The following TPO variants were observed in gnomAD, a reference collection of about 807,000 sequenced individuals.
The protein encoded by TPO is thyroid peroxidase, also known as thyroid microsomal antigen.
In TPO, 78 loss-of-function variants were observed where a neutral mutation model predicts 96.9. The observed-to-expected ratio is 0.81, with a 90% CI of 0.67 to 0.97. The LOEUF is 0.97. Among genes scored for constraint, TPO ranks in the 50% least tolerant of loss-of-function variants. The probability of loss-of-function intolerance (pLI) is 0.00; values close to 1 mark genes in which losing one functional copy is unlikely to be tolerated. For synonymous variants in TPO, 547 were observed against 538.0 expected (o/e 1.02, Z -0.23); for missense variants, 1,252 against 1,274.8 (o/e 0.98, Z 0.27).
chr2:1,491,085 G>A (rs1671731744), intron 10 of TPO, among the ~76,000 whole-genome samples: 1 of 152,100 alleles, frequency 6.6e-6, no homozygotes, highest in Non-Finnish European at 1.5e-5. Context: ...CAGGAGAATT[G>A]CTTGAACCCA....
At chr2:1,526,560 AACCTTCTCAAATCCCAC>A (rs1676551436) in intron 15 of TPO, among the ~76,000 whole-genome samples, 1 of 133,968 alleles carries the variant, frequency 7.5e-6, no homozygotes, top group African/African-American at 2.9e-5. Flanking sequence ...CACTGTGTGC[AACCTTCTCAAATCCCAC>A]GCCACTGTGA....
intron 5 of TPO, among the ~76,000 whole-genome samples, chr2:1,446,462 C>T (rs1001144286): frequency 1.3e-5 from 2 of 152,154 alleles, no homozygotes; most frequent in Non-Finnish European, 2.9e-5. Context: ...CTCACCAATC[C>T]CCGTCACTGT....
At chr2:1,515,518 TATTC>T (rs1674599990) in intron 14 of TPO, among the ~76,000 whole-genome samples, 1 of 152,200 alleles carries the variant, frequency 6.6e-6, no homozygotes, top group Non-Finnish European at 1.5e-5. Flanking sequence ...ATTTAGGGTT[TATTC>T]ATTCATTCTT....
At chr2:1,378,762 CG>C (rs1008429859) in intron 1 of TPO, among the ~76,000 whole-genome samples, 1 of 152,112 alleles carries the variant, frequency 6.6e-6, no homozygotes, top group Non-Finnish European at 1.5e-5. Context: ...GTGCACCTGG[CG>C]GGGGGTTCGT....
chr2:1,534,415 C>T (rs1337951993), intron 15 of TPO, among the ~76,000 whole-genome samples: 1 of 138,752 alleles, frequency 7.2e-6, no homozygotes, highest in South Asian at 2.5e-4. Context: ...CAAATCCGCC[C>T]CCACCCTGTG....
intron 8 of TPO, among the ~76,000 whole-genome samples, chr2:1,479,756 C>T (rs537872765): frequency 6.7e-6 from 1 of 148,390 alleles, no homozygotes; most frequent in South Asian, 2.2e-4. Flanking sequence ...TCCTCCTCCT[C>T]GTCCTCCTCC....
chr2:1,434,146 C>T (rs759167575), intron 4 of TPO, among the ~76,000 whole-genome samples: 3 of 152,170 alleles, frequency 2.0e-5, no homozygotes, highest in Admixed American at 6.5e-5. Flanking sequence ...GAGCAAATGT[C>T]GTCATTTCTT....
chr2:1,468,980 G>T (rs930344117), intron 7 of TPO, among the ~76,000 whole-genome samples: 1 of 152,040 alleles, frequency 6.6e-6, no homozygotes. Context: ...GTTTTCTTTT[G>T]CTTGTTTGAT....
rs543694544 is a variant in TPO at position 1,488,520 on chromosome 2, C to T, written c.1768+529C>T. 1.7e-4 allele frequency among the ~76,000 whole-genome samples: 26 copies of T among 152,280 alleles called. 1 individual carries two copies. The highest frequency in any genetic ancestry group is 5.8e-4 in the African/African-American group (24 of 41,574). On this transcript the variant is annotated intron_variant, in intron 10 of 16. Transcript: ENST00000329066. ...GCTCCTGCCTTTCCCAGGCCCCACC[C>T]GGCAGCCTCCTCCCTGACCTGCCCA...
intron 14 of TPO, among the ~76,000 whole-genome samples, chr2:1,513,851 A>G (rs1180041659): frequency 6.6e-6 from 1 of 152,240 alleles, no homozygotes; most frequent in Non-Finnish European, 1.5e-5. Context: ...AGATATAAAA[A>G]TATAGATATA....
chr2:1,527,367 C>T, intron 15 of TPO, among the ~76,000 whole-genome samples: 1 of 145,308 alleles, frequency 6.9e-6, no homozygotes. Context: ...CCCCAAATCC[C>T]CGCACTGTGT....
chr2:1,540,690 AC>A lies in TPO; in HGVS notation c.2717del (p.Pro906ArgfsTer68). The part of the protein sequence containing the change: ...CGKHQAVGTS[P>X]QRAAAQDSEQ... ...GAAAGCACCAGGCCGTAGGGACCTC[AC>A]CGCAGCGGGCCGCAGCTCAGGACTC... On this transcript the variant is annotated frameshift_variant, in exon 16 of 17. Coordinates refer to ENST00000329066, the MANE Select transcript of TPO (RefSeq NM_001206744.2). LOFTEE classifies it low-confidence loss of function (END_TRUNC). The A allele has an allele frequency of 6.2e-7, 1 of 1,612,894 alleles. No individual in the cohort carries two copies. Among genetic ancestry groups the A allele is most frequent in the Non-Finnish European group, 8.5e-7 (1 of 1,180,020 alleles).
At chr2:1,405,180 CCCATTCATCCAT>C (rs1026335919) in intron 1 of TPO, among the ~76,000 whole-genome samples, 9 of 148,684 alleles carry the variant, frequency 6.1e-5, no homozygotes, top group Middle Eastern at 3.5e-3. Context: ...CACCCATCCA[CCCATTCATCCAT>C]CCATTCATCC....
At chr2:1,423,399 C>A (rs1357822678) in intron 3 of TPO, among the ~76,000 whole-genome samples, 1 of 152,134 alleles carries the variant, frequency 6.6e-6, no homozygotes, top group African/African-American at 2.4e-5. Context: ...GGCTGACGTC[C>A]TGATAGCAAA....
chr2:1,450,260 C>A (rs900726938), intron 5 of TPO, among the ~76,000 whole-genome samples: 1 of 152,210 alleles, frequency 6.6e-6, no homozygotes, highest in Admixed American at 6.5e-5. Flanking sequence ...TGACCTGTGT[C>A]TTGCGGCCTC....
intron 9 of TPO, among the ~76,000 whole-genome samples, chr2:1,486,281 G>GGAGGC (rs1161867636): frequency 6.6e-6 from 1 of 152,162 alleles, no homozygotes; most frequent in African/African-American, 2.4e-5. Flanking sequence ...CAGCACTTTG[G>GGAGGC]GAGGCTGAGG....
rs906221522 is a variant in TPO, at chr2:1,415,523, C to T, written c.94+1021C>T. 6.7e-5 allele frequency among the ~76,000 whole-genome samples: 10 copies of T among 148,696 alleles called. No individual in the cohort carries two copies. In the South Asian group the frequency reaches 1.9e-3, roughly 29 times the overall value. ...GGCCTCTGCACATAGTCCCGGGGCC[C>T]CTGGAGCAGGTGACACCTTGCCGGG... On this transcript the variant is annotated intron_variant, in intron 2 of 16. Transcript: ENST00000329066.
chr2:1,437,003 CCA>C (rs1343172626), intron 5 of TPO, among the ~76,000 whole-genome samples: 3 of 152,206 alleles, frequency 2.0e-5, no homozygotes. Flanking sequence ...CTCCTCTGGT[CCA>C]CAATGGCAGG....
chr2:1,486,409 A>G (rs1913584), intron 9 of TPO, among the ~76,000 whole-genome samples: 147,231 of 152,174 alleles, frequency 0.97, 71,247 homozygotes, highest in East Asian at 1. Context: ...GTGGTGGCAG[A>G]TGCCTGTAGT....
Sources: allele counts gnomAD v4.1 joint callset (sites outside exome capture counted in the v4.1 genomes callset), GRCh38; gene constraint gnomAD v4.1.1; transcripts MANE v1.5; gene names NCBI Gene and HGNC (gene_info 2026-07-23, HGNC 2026-07-21).